The following UBAP2 variants were observed in gnomAD, a reference collection of about 807,000 sequenced individuals.
The protein encoded by UBAP2 is ubiquitin associated protein 2, also known as ubiquitin-associated protein 2.
Under a neutral mutation model 139.6 loss-of-function variants are expected in UBAP2, and 75 were observed. The ratio of observed to expected loss-of-function variants is 0.54; its 90% CI spans 0.45 to 0.65. The LOEUF is 0.65. Ranked by LOEUF, UBAP2 falls within the 30% of genes least tolerant of loss-of-function variation. The probability of loss-of-function intolerance (pLI) is 0.00; values close to 1 mark genes in which losing one functional copy is unlikely to be tolerated. For synonymous variants in UBAP2, 526 were observed against 526.2 expected, an observed-to-expected ratio of 1.00 and a Z score of 0.01; for missense variants, 1,368 against 1,369.6, an observed-to-expected ratio of 1.00 and a Z score of 0.02.
chr9:33,935,117 G>C (rs1156360585), intron 17 of UBAP2, among the ~76,000 whole-genome samples: 2 of 139,960 alleles, frequency 1.4e-5, no homozygotes, highest in East Asian at 2.2e-4. Flanking sequence ...GCAATTAACG[G>C]ATTTACCTGC....
intron 1 of UBAP2, among the ~76,000 whole-genome samples, chr9:34,026,437 T>C (rs1825407102): frequency 6.6e-6 from 1 of 152,138 alleles, no homozygotes; most frequent in Admixed American, 6.6e-5. Flanking sequence ...GTTCAACTAC[T>C]AAAAACAGGA....
At chr9:34,026,953 G>T (rs529754194) in intron 1 of UBAP2, among the ~76,000 whole-genome samples, 15 of 152,224 alleles carry the variant, frequency 9.9e-5, no homozygotes, top group African/African-American at 3.6e-4. Flanking sequence ...CACCTGCAAA[G>T]CTTGTGCCTG....
At chr9:33,937,531 T>A (rs1018974721) in intron 16 of UBAP2, among the ~76,000 whole-genome samples, 1 of 138,740 alleles carries the variant, frequency 7.2e-6, no homozygotes, top group Non-Finnish European at 1.5e-5. Context: ...CATTTGAACC[T>A]GGGAGGAAGA....
intron 2 of UBAP2, among the ~76,000 whole-genome samples, chr9:34,016,218 AGAG>A (rs1824255186): frequency 7.3e-6 from 1 of 136,110 alleles, no homozygotes; most frequent in African/African-American, 2.7e-5. Context: ...AATAGGAGGA[AGAG>A]GAGGAGGAAG....
At chr9:34,046,012 A>T (rs1449132751) in intron 1 of UBAP2, among the ~76,000 whole-genome samples, 2 of 152,196 alleles carry the variant, frequency 1.3e-5, no homozygotes, top group Non-Finnish European at 2.9e-5. Flanking sequence ...TGGGTACCAT[A>T]ACACTTAGCT....
intron 2 of UBAP2, among the ~76,000 whole-genome samples, 194 bp from the exon 3 acceptor site, chr9:33,999,058 T>C (rs1410854661): frequency 1.3e-5 from 2 of 152,170 alleles, no homozygotes; most frequent in Non-Finnish European, 1.5e-5. Flanking sequence ...TTAAGTAACA[T>C]AAAGGACCCA....
intron 8 of UBAP2, among the ~76,000 whole-genome samples, chr9:33,966,933 C>T (rs906862624): frequency 2.6e-5 from 4 of 151,534 alleles, no homozygotes; most frequent in Admixed American, 6.6e-5. Flanking sequence ...TTACATGAGA[C>T]GGACCACCGT....
chr9:33,942,033 G>A (rs1825264015), intron 15 of UBAP2, among the ~76,000 whole-genome samples, 171 bp from the exon 16 acceptor site: 1 of 152,118 alleles, frequency 6.6e-6, no homozygotes, highest in Non-Finnish European at 1.5e-5. Context: ...GAATACTTAG[G>A]CTGCGTGCGG....
At chr9:33,968,497 G>A (rs896167629) in intron 8 of UBAP2, 13 of 524,268 alleles carry the variant, frequency 2.5e-5, no homozygotes, top group Non-Finnish European at 4.6e-5. Context: ...GCACTAATGG[G>A]ACGCGGTACA....
At position 33,936,926 on chromosome 9, in the gene UBAP2, C is replaced by CAAAAA. The variant is rs66465145; in HGVS notation, c.1930-1053_1930-1049dup. ...TGGGCACTGTAGCAAAACTCCAGCT[C>CAAAAA]AAAAAAAAAAAAAAAAAAAAAAAAA... is the stretch of plus-strand genomic sequence containing the variant. On this transcript the variant is annotated intron_variant, in intron 16 of 28. Coordinates refer to ENST00000379238, the MANE Select transcript of UBAP2 (RefSeq NM_001370062.2). 1.2e-4 allele frequency among the ~76,000 whole-genome samples: 7 copies of CAAAAA among 59,796 alleles called. 1 individual carries two copies. The highest frequency in any genetic ancestry group is 1.6e-3 in the East Asian group (2 of 1,268). The allele number at this position is 59,796 out of a possible 152,430, so 39.2% of individuals were successfully genotyped here.
At chr9:34,037,358 C>T (rs965124004) in intron 1 of UBAP2, among the ~76,000 whole-genome samples, 1 of 152,112 alleles carries the variant, frequency 6.6e-6, no homozygotes, top group Non-Finnish European at 1.5e-5. Flanking sequence ...TGGTCTCAAA[C>T]ACCTGACCTC....
At chr9:34,007,763 C>T (rs1370108996) in intron 2 of UBAP2, among the ~76,000 whole-genome samples, 1 of 151,606 alleles carries the variant, frequency 6.6e-6, no homozygotes, top group East Asian at 1.9e-4. Context: ...CTCAGCCTCC[C>T]GAGTAGCTGG....
rs1360193540 is a variant in UBAP2, at chr9:33,923,203, C to T, written c.2987G>A (p.Gly996Asp). ...GSSQAPNKSAGSGPGKGVSVS... is the reference protein window; with the variant it reads ...GSSQAPNKSADSGPGKGVSVS... ...AACACTACCTTTGCCAGGCCCAGAA[C>T]CTGCAGACTTGTTTGGTGCCTGCGA... is the stretch of plus-strand genomic sequence containing the variant. The change falls in exon 26 of 29, where the codon GGT becomes GAT. Residue 996 changes from glycine (G) to aspartate (D), a missense_variant. Physicochemically the swap from Gly to Asp is moderately conservative, Grantham distance 94 (BLOSUM62 -1). Coordinates refer to ENST00000379238, the MANE Select transcript of UBAP2 (RefSeq NM_001370062.2). The T allele has an allele frequency of 1.5e-5, 25 of 1,614,224 alleles. No individual in the cohort carries two copies. Among genetic ancestry groups the T allele is most frequent in the Non-Finnish European group, 2.1e-5 (25 of 1,180,038 alleles).
intron 10 of UBAP2, 44 bp from the exon 11 acceptor site, chr9:33,956,190 TA>T: frequency 6.9e-7 from 1 of 1,454,226 alleles, no homozygotes; most frequent in Middle Eastern, 2.0e-4. Flanking sequence ...TACATACTAC[TA>T]AACCCAAAAC....
chr9:33,923,340 T>TCTAA, intron 25 of UBAP2, 39 bp downstream of exon 25: 5 of 1,613,460 alleles, frequency 3.1e-6, no homozygotes, highest in Non-Finnish European at 4.2e-6. Context: ...GGCAAGCCTG[T>TCTAA]CTAACCCCAT....
At chr9:34,037,162 G>C (rs1046405495) in intron 1 of UBAP2, among the ~76,000 whole-genome samples, 1 of 151,896 alleles carries the variant, frequency 6.6e-6, no homozygotes, top group African/African-American at 2.4e-5. Flanking sequence ...CTAATTTTTT[G>C]TATTTTTAAT....
chr9:34,016,515 T>C lies in UBAP2; in HGVS notation c.99+535A>G, dbSNP rs565954613. Among the ~76,000 whole-genome samples the C allele has an allele frequency of 4.6e-5, 7 of 152,126 alleles. No homozygotes were observed. The South Asian group carries it at 1.5e-3, about 32-fold the overall frequency. On this transcript the variant is annotated intron_variant, in intron 2 of 28. Transcript: ENST00000379238. ...GTACCTGAATCAAGTACAATACCTC[T>C]TTCCTTACTATTCTTCATTACCTAC...
intron 1 of UBAP2, among the ~76,000 whole-genome samples, chr9:34,035,194 GTC>G (rs1826224705): frequency 6.6e-6 from 1 of 151,734 alleles, no homozygotes; most frequent in African/African-American, 2.4e-5. Context: ...TCTTTCATCT[GTC>G]TCTGTCATTC....
intron 1 of UBAP2, among the ~76,000 whole-genome samples, chr9:34,021,530 T>C (rs747721752): frequency 2.6e-5 from 4 of 152,178 alleles, no homozygotes; most frequent in African/African-American, 7.2e-5. Flanking sequence ...TTTTAAAGCA[T>C]TCTCTCAGAT....
Sources: allele counts gnomAD v4.1 joint callset (sites outside exome capture counted in the v4.1 genomes callset), GRCh38; gene constraint gnomAD v4.1.1; transcripts MANE v1.5; gene names NCBI Gene and HGNC (gene_info 2026-07-23, HGNC 2026-07-21).